The following DPYSL2 variants were observed in gnomAD, a reference collection of about 807,000 sequenced individuals.
The protein encoded by DPYSL2 is dihydropyrimidinase like 2.
Under a neutral mutation model 69.9 loss-of-function variants are expected in DPYSL2, and 13 were observed. The observed-to-expected ratio is 0.19, with a 90% confidence interval of 0.12 to 0.30. DPYSL2 has a LOEUF of 0.30. Among genes scored for constraint, DPYSL2 ranks in the 10% least tolerant of loss-of-function variants. DPYSL2 has a pLI of 1.00. For synonymous variants in DPYSL2, 326 were observed against 359.1 expected (o/e 0.91, Z 1.04); for missense variants, 587 against 918.9 (o/e 0.64, Z 4.67).
rs1808309268 is a variant in DPYSL2 at position 26,517,326 on chromosome 8, G to A, written c.354+2647G>A. Among the ~76,000 whole-genome samples, 1 of 152,212 alleles carries A rather than the reference G, an allele frequency of 6.6e-6. No individual in the cohort carries two copies. The highest frequency in any genetic ancestry group is 6.5e-5 in the Admixed American group (1 of 15,284). ...CAGGAACTAAATGAAATTATATTCAGAGTATGAGCCAGACAGCACCAGAAA... is the reference window on the plus strand; with the variant it reads ...CAGGAACTAAATGAAATTATATTCAAAGTATGAGCCAGACAGCACCAGAAA... On this transcript the variant is annotated intron_variant, in intron 1 of 13. Coordinates refer to ENST00000521913, the MANE Select transcript of DPYSL2 (RefSeq NM_001197293.3). This position sits in a 1 kb window ranked among gnomAD's most constrained non-coding sequence, Gnocchi z 4.2.
chr8:26,518,500 C>T (rs1808330746), intron 1 of DPYSL2, among the ~76,000 whole-genome samples: 1 of 152,174 alleles, frequency 6.6e-6, no homozygotes, highest in Non-Finnish European at 1.5e-5. Context: ...TTTTTAAGTG[C>T]AGCTCAGTGG....
At chr8:26,527,650 A>G (rs1398451210) in intron 1 of DPYSL2, among the ~76,000 whole-genome samples, 1 of 152,206 alleles carries the variant, frequency 6.6e-6, no homozygotes, top group Non-Finnish European at 1.5e-5. Flanking sequence ...TATGTTGCCA[A>G]ATAAAGACAT....
chr8:26,514,899 C>T lies in DPYSL2; in HGVS notation c.354+220C>T, dbSNP rs927027226. The stretch of plus-strand genomic sequence containing the variant: ...GCGCCCACAAAGGCTGCCCGCGTCT[C>T]CTTGAGCTTGAGAGGTGGGGCGTGG... On this transcript the variant is annotated intron_variant, in intron 1 of 13. Coordinates refer to ENST00000521913, the MANE Select transcript of DPYSL2 (RefSeq NM_001197293.3). This position sits in a 1 kb window ranked among gnomAD's most constrained non-coding sequence, Gnocchi z 8.4. 3.9e-5 allele frequency among the ~76,000 whole-genome samples: 6 copies of T among 152,170 alleles called. No homozygotes were observed. Among genetic ancestry groups the T allele is most frequent in the Non-Finnish European group, 8.8e-5 (6 of 68,018 alleles).
At position 26,562,178 on chromosome 8, in the gene DPYSL2, G is replaced by A. The variant is rs553844392; in HGVS notation, c.355-19791G>A. On this transcript the variant is annotated intron_variant, in intron 1 of 13. Coordinates refer to ENST00000521913, the MANE Select transcript of DPYSL2 (RefSeq NM_001197293.3). The surrounding 1 kb of genome is among the most constrained non-coding windows in gnomAD (Gnocchi z 4.9). ...AGGACACACACTGGTCAGACTGCAG[G>A]GCTTGATTCCTGGCTCTGCCACGTG... is the stretch of plus-strand genomic sequence containing the variant. Among the ~76,000 whole-genome samples, 5 of 152,298 alleles carry A rather than the reference G, an allele frequency of 3.3e-5. No homozygotes were observed. In the South Asian group the frequency reaches 1.0e-3, roughly 32 times the overall value.
Position 26,626,963 on chromosome 8 carries a change from T to C in DPYSL2, c.856-252T>C, listed in dbSNP as rs1802632788. Among the ~76,000 whole-genome samples, 1 of 152,162 alleles carries C rather than the reference T, an allele frequency of 6.6e-6. No individual in the cohort carries two copies. Among genetic ancestry groups the C allele is most frequent in the Admixed American group, 6.5e-5 (1 of 15,278 alleles). On this transcript the variant is annotated intron_variant, in intron 5 of 13. Transcript: ENST00000521913. This position sits in a 1 kb window ranked among gnomAD's most constrained non-coding sequence, Gnocchi z 4.3. ...AGCAAACCTGGTGCAGAGCCAGGTG[T>C]CACCCAAGAGCTTCTCACTCCCGGT...
At chr8:26,563,908 A>C (rs1223098612) in intron 1 of DPYSL2, among the ~76,000 whole-genome samples, 3 of 152,170 alleles carry the variant, frequency 2.0e-5, no homozygotes, top group Non-Finnish European at 4.4e-5. Context: ...AAAGCTTTGG[A>C]AGTTAGAAAC....
chr8:26,612,301 A>G (rs535159887), intron 3 of DPYSL2, among the ~76,000 whole-genome samples: 1 of 152,354 alleles, frequency 6.6e-6, no homozygotes, highest in East Asian at 1.9e-4. Context: ...TGTATGAAGA[A>G]CCATAGTTCA....
At chr8:26,548,222 AG>A in intron 1 of DPYSL2, 1 of 230,682 alleles carries the variant, frequency 4.3e-6, no homozygotes, top group Admixed American at 4.3e-5. Context: ...AAGGCCTCCA[AG>A]GAAATTCATG....
At chr8:26,572,240 C>T (rs1490129430) in intron 1 of DPYSL2, among the ~76,000 whole-genome samples, 1 of 152,328 alleles carries the variant, frequency 6.6e-6, no homozygotes, top group African/African-American at 2.4e-5. Flanking sequence ...CAAAGGGGAA[C>T]ATGAAACCAA....
chr8:26,626,496 C>T lies in DPYSL2; in HGVS notation c.794-121C>T, dbSNP rs1802615262. 1.9e-6 allele frequency: 1 copy of T among 519,918 alleles called. No individual in the cohort carries two copies. Among genetic ancestry groups the T allele is most frequent in the South Asian group, 2.7e-5 (1 of 36,398 alleles). The allele number at this position is 519,918 out of a possible 1,614,324, so 32.2% of individuals were successfully genotyped here. ...CTCTGTACTGAAACACACACACACACACACACACACACACACACACACACA... is the reference window on the plus strand; with the variant it reads ...CTCTGTACTGAAACACACACACACATACACACACACACACACACACACACA... On this transcript the variant is annotated intron_variant, in intron 4 of 13. Transcript: ENST00000521913. The surrounding 1 kb of genome is among the most constrained non-coding windows in gnomAD (Gnocchi z 4.3).
chr8:26,528,723 G>A (rs146402340), intron 1 of DPYSL2, among the ~76,000 whole-genome samples: 2 of 152,134 alleles, frequency 1.3e-5, no homozygotes, highest in East Asian at 3.9e-4. Flanking sequence ...GAAACAGGAG[G>A]CACTGAAAGC....
In DPYSL2 at chr8:26,582,975, G is replaced by A. The variant is rs1249983041; in HGVS notation, c.444-824G>A. Among the ~76,000 whole-genome samples the A allele has an allele frequency of 1.3e-5, 2 of 152,130 alleles. No individual in the cohort carries two copies. Among genetic ancestry groups the A allele is most frequent in the Non-Finnish European group, 1.5e-5 (1 of 68,038 alleles). ...GTTTGCTGTGACAGTCTCAGCTCCA[G>A]GCTCTCAAATGCCATGACTTTGATG... On this transcript the variant is annotated intron_variant, in intron 2 of 13. Coordinates refer to ENST00000521913, the MANE Select transcript of DPYSL2 (RefSeq NM_001197293.3). The surrounding 1 kb of genome is among the most constrained non-coding windows in gnomAD (Gnocchi z 4.1).
intron 1 of DPYSL2, chr8:26,547,959 G>T: frequency 4.0e-6 from 1 of 247,540 alleles, no homozygotes; most frequent in Non-Finnish European, 8.3e-6. Flanking sequence ...TAAGCAGGAG[G>T]AGAAAGAAGT....
chr8:26,523,110 CTTCT>C (rs1273692113), intron 1 of DPYSL2, among the ~76,000 whole-genome samples: 3 of 150,992 alleles, frequency 2.0e-5, no homozygotes, highest in South Asian at 4.2e-4. Context: ...TAAAAAACTC[CTTCT>C]TTGTGTGTGC....
Position 26,610,209 on chromosome 8 carries a change from C to A in DPYSL2, c.629-13934C>A, listed in dbSNP as rs372768518. On this transcript the variant is annotated intron_variant, in intron 3 of 13. Coordinates refer to ENST00000521913, the MANE Select transcript of DPYSL2 (RefSeq NM_001197293.3). This position sits in a 1 kb window ranked among gnomAD's most constrained non-coding sequence, Gnocchi z 4.5. ...TGGGATGACATGAAGTCTGTTAATG[C>A]GGGATCGTTTGTGTTATCTGCTCTG... Among the ~76,000 whole-genome samples the A allele has an allele frequency of 6.6e-6, 1 of 152,166 alleles. No individual in the cohort carries two copies. The highest frequency in any genetic ancestry group is 1.5e-5 in the Non-Finnish European group (1 of 68,042).
At chr8:26,555,329 T>C (rs1800928209) in intron 1 of DPYSL2, among the ~76,000 whole-genome samples, 1 of 152,122 alleles carries the variant, frequency 6.6e-6, no homozygotes, top group Admixed American at 6.5e-5. Context: ...GCATATGACA[T>C]CACTGCCTAT....
chr8:26,601,509 C>T (rs1371443516), intron 3 of DPYSL2, among the ~76,000 whole-genome samples: 1 of 152,168 alleles, frequency 6.6e-6, no homozygotes, highest in African/African-American at 2.4e-5. Flanking sequence ...TCCCAAGTAG[C>T]TGGGACTACA....
intron 1 of DPYSL2, among the ~76,000 whole-genome samples, chr8:26,539,000 C>G (rs921619419): frequency 9.2e-5 from 14 of 152,340 alleles, no homozygotes; most frequent in South Asian, 8.3e-4. Context: ...CATCCCTCCC[C>G]CTTCTAGTAG....
At chr8:26,532,478 A>G (rs530134266) in intron 1 of DPYSL2, among the ~76,000 whole-genome samples, 27 of 152,326 alleles carry the variant, frequency 1.8e-4, no homozygotes, top group African/African-American at 5.8e-4. Flanking sequence ...GTCCACTTTC[A>G]GAACATTTGC....
Sources: allele counts gnomAD v4.1 joint callset (sites outside exome capture counted in the v4.1 genomes callset), GRCh38; gene constraint gnomAD v4.1.1; non-coding constraint Gnocchi (gnomAD v3.1); transcripts MANE v1.5; gene names NCBI Gene and HGNC (gene_info 2026-07-23, HGNC 2026-07-21).